The following CHRNA7 variants were observed in gnomAD, a reference collection of about 807,000 sequenced individuals.
CHRNA7 encodes the protein neuronal acetylcholine receptor subunit alpha-7.
In CHRNA7, 17 loss-of-function variants were observed where a neutral mutation model predicts 48.0. The ratio of observed to expected loss-of-function variants is 0.35; its 90% CI spans 0.24 to 0.53. The LOEUF (loss-of-function observed/expected upper bound fraction) is 0.53. Among genes scored for constraint, CHRNA7 ranks in the 20% least tolerant of loss-of-function variants. The pLI is 0.92. For synonymous variants in CHRNA7, 75 were observed against 242.3 expected, an observed-to-expected ratio of 0.31 and a Z score of 6.41; for missense variants, 155 against 577.7, an observed-to-expected ratio of 0.27 and a Z score of 7.50.
At chr15:32,052,630 G>A (rs2049711018) in intron 2 of CHRNA7, among the ~76,000 whole-genome samples, 1 of 152,162 alleles carries the variant, frequency 6.6e-6, no homozygotes, top group African/African-American at 2.4e-5. Context: ...TCGGGAGGCT[G>A]AGGCAGGAGA....
At chr15:32,044,748 C>G (rs1177752054) in intron 2 of CHRNA7, among the ~76,000 whole-genome samples, 1 of 152,224 alleles carries the variant, frequency 6.6e-6, no homozygotes, top group Admixed American at 6.5e-5. Flanking sequence ...GTTGCCCCAA[C>G]TGGGGAGAAA....
chr15:32,151,005 TTC>T (rs746684439), intron 4 of CHRNA7, among the ~76,000 whole-genome samples: 4 of 152,216 alleles, frequency 2.6e-5, no homozygotes, highest in Admixed American at 6.5e-5. Context: ...CCTCTCTCCT[TTC>T]TCTCAGTCTC....
chr15:32,119,005 A>G (rs1042227001), intron 4 of CHRNA7, among the ~76,000 whole-genome samples: 1 of 104,276 alleles, frequency 9.6e-6, no homozygotes, highest in African/African-American at 2.8e-5. Context: ...AAAAAAAAAA[A>G]TAGTGAGGGA....
At chr15:32,074,898 C>T (rs183831569) in intron 2 of CHRNA7, among the ~76,000 whole-genome samples, 26 of 152,204 alleles carry the variant, frequency 1.7e-4, no homozygotes, top group Admixed American at 1.6e-3. Flanking sequence ...ATCCACCCAC[C>T]TCGGCCTCCC....
At chr15:32,089,206 A>G (rs144209559) in intron 2 of CHRNA7, among the ~76,000 whole-genome samples, 148 of 152,258 alleles carry the variant, frequency 9.7e-4, no homozygotes, top group Non-Finnish European at 1.7e-3. Context: ...GTTCTCAGCC[A>G]TTATTCTTTC....
chr15:32,136,362 G>C (rs2051256943), intron 4 of CHRNA7, among the ~76,000 whole-genome samples: 1 of 151,720 alleles, frequency 6.6e-6, no homozygotes, highest in Admixed American at 6.6e-5. Flanking sequence ...GTGGTGGCAT[G>C]TGCCTGTAGT....
At chr15:32,069,785 G>A (rs1460054476) in intron 2 of CHRNA7, among the ~76,000 whole-genome samples, 1 of 151,980 alleles carries the variant, frequency 6.6e-6, no homozygotes, top group Non-Finnish European at 1.5e-5. Flanking sequence ...GAATTGTTCA[G>A]TGTGAAAAGA....
chr15:32,143,813 T>C (rs889429375), intron 4 of CHRNA7, among the ~76,000 whole-genome samples: 2 of 152,194 alleles, frequency 1.3e-5, no homozygotes, highest in Non-Finnish European at 2.9e-5. Context: ...TATGTGTGTC[T>C]CTGCATGTGA....
intron 3 of CHRNA7, chr15:32,101,548 T>C (rs1003215573): frequency 3.4e-6 from 2 of 585,946 alleles, no homozygotes; most frequent in African/African-American, 1.9e-5. Context: ...TCTGCAGTGC[T>C]CAACACATGC....
rs114890609 is a variant in CHRNA7, at chr15:32,095,109, G to A, written c.196-6194G>A. ...GCCCACATGGCTAGTGAATAGCAGAGCCCAGAGCCTGTGATATCTATAGTT... is the reference window on the plus strand; with the variant it reads ...GCCCACATGGCTAGTGAATAGCAGAACCCAGAGCCTGTGATATCTATAGTT... On this transcript the variant is annotated intron_variant, in intron 2 of 9. Coordinates refer to ENST00000306901, the MANE Select transcript of CHRNA7 (RefSeq NM_000746.6). Among the ~76,000 whole-genome samples the A allele has an allele frequency of 7.4e-3, 1,134 of 152,378 alleles. 14 individuals are homozygous for A. Among genetic ancestry groups the A allele is most frequent in the African/African-American group, 0.026 (1,078 of 41,580 alleles).
chr15:32,144,424 T>C (rs1272712486), intron 4 of CHRNA7, among the ~76,000 whole-genome samples: 1 of 152,192 alleles, frequency 6.6e-6, no homozygotes, highest in East Asian at 1.9e-4. Context: ...AGTAGCTTTG[T>C]GGTGTTCTCT....
intron 3 of CHRNA7, among the ~76,000 whole-genome samples, chr15:32,109,866 G>A (rs1453666898): frequency 6.6e-6 from 1 of 152,198 alleles, no homozygotes; most frequent in Non-Finnish European, 1.5e-5. Context: ...AGTGGGGTGT[G>A]CGGGGTGTGG....
intron 2 of CHRNA7, among the ~76,000 whole-genome samples, chr15:32,065,732 G>A (rs1413562196): frequency 3.3e-5 from 5 of 152,144 alleles, no homozygotes; most frequent in Admixed American, 3.3e-4. Flanking sequence ...GTGTGCGGAA[G>A]GTGTGCCCCA....
chr15:32,079,782 GAA>G (rs59955932), intron 2 of CHRNA7, among the ~76,000 whole-genome samples: 28 of 147,260 alleles, frequency 1.9e-4, no homozygotes, highest in Admixed American at 1.8e-3. Context: ...CACAAAATTA[GAA>G]AAAAAAAAAC....
chr15:32,038,811 G>A (rs998182428), intron 2 of CHRNA7, among the ~76,000 whole-genome samples: 5 of 152,164 alleles, frequency 3.3e-5, no homozygotes, highest in Non-Finnish European at 7.3e-5. Flanking sequence ...TCCTCTGCTT[G>A]TGTACTCTGA....
chr15:32,133,055 C>T (rs1400610983), intron 4 of CHRNA7, among the ~76,000 whole-genome samples: 1 of 152,138 alleles, frequency 6.6e-6, no homozygotes, highest in Non-Finnish European at 1.5e-5. Flanking sequence ...AGCATTGTCA[C>T]TGGGGGACGA....
intron 2 of CHRNA7, among the ~76,000 whole-genome samples, chr15:32,091,674 A>G (rs2050384218): frequency 6.6e-6 from 1 of 152,144 alleles, no homozygotes; most frequent in African/African-American, 2.4e-5. Flanking sequence ...TCAGCTCTCC[A>G]CCTACGAAAG....
intron 4 of CHRNA7, among the ~76,000 whole-genome samples, chr15:32,140,996 C>T (rs2051368170): frequency 6.6e-6 from 1 of 152,102 alleles, no homozygotes; most frequent in Non-Finnish European, 1.5e-5. Flanking sequence ...AGTCTTTGCC[C>T]ATGCCTATGT....
intron 2 of CHRNA7, among the ~76,000 whole-genome samples, chr15:32,078,575 TC>T (rs1395795976): frequency 6.9e-6 from 1 of 144,832 alleles, no homozygotes; most frequent in Non-Finnish European, 1.5e-5. Flanking sequence ...ACATACACCC[TC>T]CCAAGACTGA....
Sources: gnomAD v4.1 joint callset for allele counts (sites outside exome capture counted in the v4.1 genomes callset) on GRCh38, gnomAD v4.1.1 for gene constraint, MANE v1.5 for transcripts, NCBI Gene and HGNC (gene_info 2026-07-23, HGNC 2026-07-21) for gene names.